The following MRNIP variants were observed in gnomAD, a reference collection of about 807,000 sequenced individuals.
MRNIP encodes MRN complex-interacting protein.
Under a neutral mutation model 29.8 loss-of-function variants are expected in MRNIP, and 30 were observed. The observed-to-expected ratio is 1.01, with a 90% CI of 0.75 to 1.36. The LOEUF (loss-of-function observed/expected upper bound fraction) is 1.36. Ranked by LOEUF, MRNIP falls within the 40% of genes most tolerant of loss-of-function variation. MRNIP has a pLI of 0.00. For synonymous variants in MRNIP, 201 were observed against 164.1 expected (o/e 1.23, Z -1.72); for missense variants, 459 against 423.5 (o/e 1.08, Z -0.74).
intron 2 of MRNIP, among the ~76,000 whole-genome samples, chr5:179,849,480 G>A (rs1759266245): frequency 6.8e-6 from 1 of 147,682 alleles, no homozygotes; most frequent in Admixed American, 6.7e-5. Flanking sequence ...ATCCTGCAAT[G>A]ACACAGGCAG....
chr5:179,840,719 T>C, intron 6 of MRNIP, 153 bp downstream of exon 6: 1 of 650,712 alleles, frequency 1.5e-6, no homozygotes, highest in Non-Finnish European at 2.8e-6. Context: ...GAGGAAGGAG[T>C]TGGCTTCAGA....
At position 179,840,948 on chromosome 5, in the gene MRNIP, C is replaced by T. The variant is rs775427732; in HGVS notation, c.461G>A (p.Arg154Lys). 4.4e-6 allele frequency: 7 copies of T among 1,607,022 alleles called. 1 individual carries two copies. The South Asian group carries it at 7.8e-5, about 18-fold the overall frequency. Residue 154 changes from arginine (R) to lysine (K), a missense_variant, in exon 6 of 7, where the codon AGG (arginine) becomes AAG (lysine). Arg to Lys is a conservative substitution (Grantham distance 26). Coordinates refer to ENST00000292586, the MANE Select transcript of MRNIP (RefSeq NM_016175.4). Reference protein sequence around the residue: ...QDLPRKRKWSRSTVQPPCSRG... With the variant: ...QDLPRKRKWSKSTVQPPCSRG... Reference sequence around the variant, plus strand: ...GCTGCACGGAGGCTGGACGGTGCTCCTGCTCCACTTCCTGTCAGGACAGGA... The same window carrying T: ...GCTGCACGGAGGCTGGACGGTGCTCTTGCTCCACTTCCTGTCAGGACAGGA...
At chr5:179,844,030 G>C in intron 4 of MRNIP, 122 bp downstream of exon 4, 3 of 799,680 alleles carry the variant, frequency 3.8e-6, no homozygotes, top group Non-Finnish European at 6.3e-6. Flanking sequence ...GCAGCTTTAA[G>C]CCAACTGCCT....
At chr5:179,842,561 G>A (rs1458097183) in intron 4 of MRNIP, among the ~76,000 whole-genome samples, 3 of 151,100 alleles carry the variant, frequency 2.0e-5, no homozygotes, top group South Asian at 2.1e-4. Flanking sequence ...TTAGCCGGGC[G>A]TGATGGCAGG....
chr5:179,844,409 G>A (rs1205807723), intron 3 of MRNIP, 182 bp from the exon 4 acceptor site: 6 of 521,776 alleles, frequency 1.1e-5, no homozygotes, highest in Non-Finnish European at 2.1e-5. Flanking sequence ...TCAGGAGGCT[G>A]AGGCAGATAA....
chr5:179,843,134 A>G (rs1445255646), intron 4 of MRNIP, among the ~76,000 whole-genome samples: 1 of 152,008 alleles, frequency 6.6e-6, no homozygotes, highest in Non-Finnish European at 1.5e-5. Context: ...CCACATAATA[A>G]GGAATCAATA....
chr5:179,843,082 GCA>G (rs1758982390), intron 4 of MRNIP, among the ~76,000 whole-genome samples: 1 of 139,206 alleles, frequency 7.2e-6, no homozygotes, highest in Non-Finnish European at 1.6e-5. Context: ...AGGGAGGGAG[GCA>G]GGCAAGCAGG....
At chr5:179,856,711 G>A (rs1759597256) in intron 1 of MRNIP, among the ~76,000 whole-genome samples, 1 of 152,224 alleles carries the variant, frequency 6.6e-6, no homozygotes, top group South Asian at 2.1e-4. Context: ...GAGCTCAAGT[G>A]ATCTGCCCTA....
chr5:179,853,083 T>G (rs1759435420), intron 2 of MRNIP: 1 of 586,346 alleles, frequency 1.7e-6, no homozygotes. Flanking sequence ...TCCACACAAG[T>G]GCATCTGTGA....
Position 179,844,132 on chromosome 5 carries a change from C to A in MRNIP, c.291+20G>T. 6.2e-7 allele frequency: 1 copy of A among 1,610,318 alleles called. No individual in the cohort carries two copies. Among genetic ancestry groups the A allele is most frequent in the South Asian group, 1.1e-5 (1 of 90,984 alleles). On this transcript the variant is annotated intron_variant, in intron 4 of 6. Coordinates refer to ENST00000292586, the MANE Select transcript of MRNIP (RefSeq NM_016175.4). ...TCCCTGACACAGAGCCAGCCTGGGGCAGGTGGGCCTGAGGCTTACCTGCTG... is the reference window on the plus strand; with the variant it reads ...TCCCTGACACAGAGCCAGCCTGGGGAAGGTGGGCCTGAGGCTTACCTGCTG...
chr5:179,845,375 C>G (rs1364180212), intron 3 of MRNIP, among the ~76,000 whole-genome samples: 2 of 152,176 alleles, frequency 1.3e-5, no homozygotes, highest in East Asian at 1.9e-4. Context: ...TCATGAACTC[C>G]TGACCTCAAG....
intron 1 of MRNIP, among the ~76,000 whole-genome samples, chr5:179,856,224 A>C (rs1369630027): frequency 6.6e-6 from 1 of 151,936 alleles, no homozygotes; most frequent in Non-Finnish European, 1.5e-5. Flanking sequence ...CCTTTTTAAA[A>C]GTTTAGGACT....
chr5:179,854,524 C>T (rs1008510350), intron 1 of MRNIP, among the ~76,000 whole-genome samples: 2 of 152,178 alleles, frequency 1.3e-5, no homozygotes, highest in Non-Finnish European at 2.9e-5. Flanking sequence ...GTGGCTTGAG[C>T]CTGTAGTCTC....
At chr5:179,849,165 T>A (rs1398850440) in intron 2 of MRNIP, among the ~76,000 whole-genome samples, 1 of 74,150 alleles carries the variant, frequency 1.3e-5, no homozygotes, top group Non-Finnish European at 2.6e-5. Flanking sequence ...AATTTGAGAG[T>A]ACGGGTCCTG....
rs1367527374 is a variant in MRNIP, at chr5:179,841,998, G to C, written c.358C>G (p.Leu120Val). Residue 120 changes from leucine (L) to valine (V), a missense_variant, in exon 5 of 7, where the codon CTG becomes GTG. Leu to Val is a conservative substitution (Grantham distance 32). Coordinates refer to ENST00000292586, the MANE Select transcript of MRNIP (RefSeq NM_016175.4). ...CTGAAACACACTCCTGTTCCTTCCA[G>C]CTCCAGTTCTTGGGAGTCCTTTTCT... ...YLEKDSQELE[L>V]EGTGVCFSKQ... The C allele has an allele frequency of 1.9e-6, 3 of 1,614,092 alleles. No individual in the cohort carries two copies. The South Asian group carries it at 3.3e-5, about 18-fold the overall frequency.
intron 3 of MRNIP, chr5:179,847,159 TA>T (rs1759168981): frequency 7.6e-6 from 1 of 132,292 alleles, no homozygotes; most frequent in Non-Finnish European, 1.6e-5. Flanking sequence ...GAGAGTTACT[TA>T]CTTTTTTTTT....
chr5:179,847,059 G>T (rs1263112833), intron 3 of MRNIP: 2 of 151,692 alleles, frequency 1.3e-5, no homozygotes, highest in East Asian at 3.9e-4. Flanking sequence ...ACTTAGCAGT[G>T]GAGAGTTGTA....
At chr5:179,843,071 G>A (rs550727072) in intron 4 of MRNIP, among the ~76,000 whole-genome samples, 58 of 131,038 alleles carry the variant, frequency 4.4e-4, no homozygotes, top group East Asian at 3.4e-3. Context: ...GGGAGGGAGG[G>A]AGGGAGGGAG....
intron 1 of MRNIP, among the ~76,000 whole-genome samples, chr5:179,855,029 G>A (rs1297946917): frequency 6.6e-6 from 1 of 152,160 alleles, no homozygotes; most frequent in Admixed American, 6.5e-5. Flanking sequence ...TTATAAAGGA[G>A]CGGAAAACCC....
Sources: gnomAD v4.1 joint callset for allele counts (sites outside exome capture counted in the v4.1 genomes callset) on GRCh38, gnomAD v4.1.1 for gene constraint, MANE v1.5 for transcripts, NCBI Gene and HGNC (gene_info 2026-07-23, HGNC 2026-07-21) for gene names.